Variants in SCUBE1 observed in about 807,000 individuals in gnomAD.
SCUBE1 encodes signal peptide, CUB and EGF-like domain-containing protein 1.
Under a neutral mutation model 124.4 loss-of-function variants are expected in SCUBE1, and 59 were observed. That is an observed-to-expected ratio of 0.47 (90% CI 0.38 to 0.59). The LOEUF (loss-of-function observed/expected upper bound fraction) is 0.59, where lower values mean the gene tolerates loss of function less well. Ranked by LOEUF, SCUBE1 falls within the 20% of genes least tolerant of loss-of-function variation. SCUBE1 has a pLI of 0.00. For synonymous variants in SCUBE1, 545 were observed against 550.9 expected (o/e 0.99, Z 0.15); for missense variants, 1,150 against 1,371.2 (o/e 0.84, Z 2.55).
rs913766151 is a variant in SCUBE1 at position 43,210,161 on chromosome 22, G to A, written c.2463C>T (p.Asn821=). 9 of 1,609,418 alleles carry A rather than the reference G, an allele frequency of 5.6e-6. No homozygotes were observed. The highest frequency in any genetic ancestry group is 4.5e-5 in the East Asian group (2 of 44,740). Residue 821 remains asparagine, a synonymous_variant, in exon 19 of 22, where the codon AAC becomes AAT. Coordinates refer to ENST00000360835, the MANE Select transcript of SCUBE1 (RefSeq NM_173050.5). This position sits in a 1 kb window ranked among gnomAD's most constrained non-coding sequence, Gnocchi z 4.5. ...GCGCGATGTGCCAGACGCATTCAGC[G>A]TTGGCTGGGTAGTCGCCAGGGTAGT... ...SPNYPGDYPA[N]AECVWHIAPP...
chr22:43,258,028 A>G lies in SCUBE1; in HGVS notation c.727+191T>C, dbSNP rs1923726364. On this transcript the variant is annotated intron_variant, in intron 6 of 21. Coordinates refer to ENST00000360835, the MANE Select transcript of SCUBE1 (RefSeq NM_173050.5). The surrounding 1 kb of genome is among the most constrained non-coding windows in gnomAD (Gnocchi z 5.0). ...TCTTGGGGGGCTGCAGGCCCCAGAG[A>G]AGCCTCCCCAGAAAGCCTCCCCAGG... Among the ~76,000 whole-genome samples, 1 of 152,062 alleles carries G rather than the reference A, an allele frequency of 6.6e-6. No individual in the cohort carries two copies. Among genetic ancestry groups the G allele is most frequent in the South Asian group, 2.1e-4 (1 of 4,836 alleles).
chr22:43,243,808 G>A lies in SCUBE1; in HGVS notation c.728-4854C>T, dbSNP rs372250733. ...GTTCTTGCAAGGCCCAGGCAGAACA[G>A]TGGATGCGACAGTGCTTTGGAAGCT... is the stretch of plus-strand genomic sequence containing the variant. On this transcript the variant is annotated intron_variant, in intron 6 of 21. Coordinates refer to ENST00000360835, the MANE Select transcript of SCUBE1 (RefSeq NM_173050.5). Among the ~76,000 whole-genome samples, 132 of 152,356 alleles carry A rather than the reference G, an allele frequency of 8.7e-4. 1 individual carries two copies. In the South Asian group the frequency reaches 0.026, roughly 30 times the overall value.
At chr22:43,279,521 G>A (rs557319475) in intron 4 of SCUBE1, among the ~76,000 whole-genome samples, 2 of 152,250 alleles carry the variant, frequency 1.3e-5, no homozygotes, top group African/African-American at 4.8e-5. Flanking sequence ...ACCAGACAGT[G>A]AATCTGCCAG....
In SCUBE1 at chr22:43,262,744, C is replaced by A. The variant is rs765866788; in HGVS notation, c.586G>T (p.Ala196Ser). ...ACDCRPGFDLAQNQKDCTLTC... is the reference protein window; with the variant it reads ...ACDCRPGFDLSQNQKDCTLTC... Reference sequence around the variant, plus strand: ...CGTGTGCAGTCCTTCTGGTTTTGGGCAAGGTCAAAGCCGGGCCTGCAGTCG... The same window carrying A: ...CGTGTGCAGTCCTTCTGGTTTTGGGAAAGGTCAAAGCCGGGCCTGCAGTCG... Residue 196 changes from alanine to serine, a missense_variant, in exon 5 of 22, where the codon GCC becomes TCC. Ala to Ser is a moderately conservative substitution (Grantham distance 99, BLOSUM62 1). Coordinates refer to ENST00000360835, the MANE Select transcript of SCUBE1 (RefSeq NM_173050.5). 3.1e-6 allele frequency: 5 copies of A among 1,614,012 alleles called. No individual in the cohort carries two copies. The highest frequency in any genetic ancestry group is 2.2e-5 in the South Asian group (2 of 91,082).
chr22:43,298,754 A>G (rs1282734729), intron 3 of SCUBE1, among the ~76,000 whole-genome samples: 2 of 151,288 alleles, frequency 1.3e-5, no homozygotes, highest in East Asian at 3.9e-4. Context: ...CAGATGGAGT[A>G]CAAGATTCAG....
chr22:43,317,489 G>A (rs1293166909), intron 3 of SCUBE1, among the ~76,000 whole-genome samples: 1 of 152,180 alleles, frequency 6.6e-6, no homozygotes, highest in Non-Finnish European at 1.5e-5. Context: ...AACCCTGTGA[G>A]GAAGCTGCTT....
chr22:43,213,764 T>A, intron 16 of SCUBE1: 1 of 212,706 alleles, frequency 4.7e-6, no homozygotes, highest in South Asian at 1.2e-4. Context: ...GGCACTTATG[T>A]ACCTCCCTTA....
intron 3 of SCUBE1, among the ~76,000 whole-genome samples, chr22:43,300,338 G>T (rs533377717): frequency 1.3e-5 from 2 of 150,196 alleles, no homozygotes; most frequent in South Asian, 4.3e-4. Flanking sequence ...GTGTGGCGTG[G>T]TTTCTCATTA....
Position 43,255,512 on chromosome 22 carries a change from G to A in SCUBE1, c.727+2707C>T, listed in dbSNP as rs764244254. On this transcript the variant is annotated intron_variant, in intron 6 of 21. Coordinates refer to ENST00000360835, the MANE Select transcript of SCUBE1 (RefSeq NM_173050.5). This position sits in a 1 kb window ranked among gnomAD's most constrained non-coding sequence, Gnocchi z 4.7. ...CCCATGAGTAGCCGCCGTTTCACCC[G>A]CTTGTCCACATCAGCTACTGACGTG... The A allele has an allele frequency of 1.4e-5, 22 of 1,550,574 alleles. No individual in the cohort carries two copies. The South Asian group carries it at 1.5e-4, about 11-fold the overall frequency.
At chr22:43,233,599 G>C (rs932744351) in intron 7 of SCUBE1, 7 of 152,238 alleles carry the variant, frequency 4.6e-5, no homozygotes, top group Admixed American at 4.6e-4. Context: ...CCTGTCCAGT[G>C]TCACTGGCAC....
chr22:43,284,202 A>G (rs2146743424), intron 4 of SCUBE1, among the ~76,000 whole-genome samples: 1 of 152,378 alleles, frequency 6.6e-6, no homozygotes, highest in Non-Finnish European at 1.5e-5. Context: ...GGGGACATTC[A>G]GTGTGGGGAT....
At chr22:43,298,300 C>G (rs552776865) in intron 3 of SCUBE1, among the ~76,000 whole-genome samples, 1 of 152,250 alleles carries the variant, frequency 6.6e-6, no homozygotes, top group Non-Finnish European at 1.5e-5. Flanking sequence ...CAGGACCTGT[C>G]TGCTTCCTGG....
chr22:43,222,517 G>A, intron 12 of SCUBE1, 121 bp downstream of exon 12: 2 of 765,470 alleles, frequency 2.6e-6, no homozygotes, highest in Non-Finnish European at 2.1e-6. Flanking sequence ...AGGCCACACG[G>A]AGCAGGGCCG....
chr22:43,256,462 T>G (rs1379828038), intron 6 of SCUBE1, among the ~76,000 whole-genome samples: 5 of 151,772 alleles, frequency 3.3e-5, no homozygotes, highest in Non-Finnish European at 7.4e-5. Context: ...CGAAGGCAGG[T>G]GAAGGCATCT....
At chr22:43,253,957 C>G (rs115399808) in intron 6 of SCUBE1, among the ~76,000 whole-genome samples, 1 of 152,208 alleles carries the variant, frequency 6.6e-6, no homozygotes, top group Non-Finnish European at 1.5e-5. Context: ...GCTCCCTCCA[C>G]CTGCCTCCAG....
At chr22:43,308,988 A>G (rs773934300) in intron 3 of SCUBE1, among the ~76,000 whole-genome samples, 3 of 152,262 alleles carry the variant, frequency 2.0e-5, no homozygotes, top group Non-Finnish European at 2.9e-5. Flanking sequence ...CAGTAAGTAC[A>G]AGAACCAGCG....
chr22:43,323,093 C>A (rs556224472), intron 2 of SCUBE1, among the ~76,000 whole-genome samples: 4 of 152,290 alleles, frequency 2.6e-5, no homozygotes, highest in Admixed American at 6.5e-5. Context: ...ACATGCCAGT[C>A]ATTGACAAAA....
At chr22:43,263,123 C>T (rs1021244176) in intron 4 of SCUBE1, among the ~76,000 whole-genome samples, 1 of 152,204 alleles carries the variant, frequency 6.6e-6, no homozygotes, top group African/African-American at 2.4e-5. Context: ...TCGTGACCCA[C>T]GGAGACCAAG....
intron 12 of SCUBE1, among the ~76,000 whole-genome samples, chr22:43,222,412 G>A (rs144517901): frequency 1.6e-4 from 24 of 152,346 alleles, no homozygotes; most frequent in African/African-American, 5.8e-4. Context: ...CTCAGAGCCG[G>A]AAGGGCCCTC....
Sources: allele counts gnomAD v4.1 joint callset (sites outside exome capture counted in the v4.1 genomes callset), GRCh38; gene constraint gnomAD v4.1.1; non-coding constraint Gnocchi (gnomAD v3.1); transcripts MANE v1.5; gene names NCBI Gene and HGNC (gene_info 2026-07-23, HGNC 2026-07-21).